KCNIP4: variants seen among roughly 807,000 people sequenced by gnomAD.
KCNIP4 encodes the protein potassium voltage-gated channel interacting protein 4, also known as Kv channel-interacting protein 4.
KCNIP4 carries 12 observed loss-of-function variants against 34.0 expected under a neutral mutation model. The observed-to-expected ratio is 0.35, with a 90% CI of 0.23 to 0.57. The LOEUF (loss-of-function observed/expected upper bound fraction) is 0.57. Ranked by LOEUF, KCNIP4 falls within the 20% of genes least tolerant of loss-of-function variation. The pLI is 0.83. For synonymous variants in KCNIP4, 124 were observed against 102.2 expected (o/e 1.21, Z -1.29); for missense variants, 238 against 311.7 (o/e 0.76, Z 1.78).
intron 2 of KCNIP4, among the ~76,000 whole-genome samples, chr4:20,878,213 A>G (rs1724275278): frequency 6.6e-6 from 1 of 152,140 alleles, no homozygotes; most frequent in Non-Finnish European, 1.5e-5. Flanking sequence ...GGGAACATCA[A>G]CTGAGTTCAT....
intron 3 of KCNIP4, among the ~76,000 whole-genome samples, chr4:20,778,086 C>G (rs1311940951): frequency 1.3e-5 from 2 of 152,140 alleles, no homozygotes; most frequent in Non-Finnish European, 2.9e-5. Context: ...TAACTCAAGG[C>G]CTCCACTCCC....
intron 1 of KCNIP4, among the ~76,000 whole-genome samples, chr4:21,388,662 C>T (rs1424535327): frequency 6.6e-6 from 1 of 152,054 alleles, no homozygotes; most frequent in Non-Finnish European, 1.5e-5. Context: ...TTAGCTATTA[C>T]CCTCCACTTT....
intron 1 of KCNIP4, among the ~76,000 whole-genome samples, chr4:21,096,054 C>T (rs1032859989): frequency 6.6e-6 from 1 of 152,074 alleles, no homozygotes; most frequent in African/African-American, 2.4e-5. Flanking sequence ...AAAACTAAAA[C>T]CCACAAACTA....
chr4:21,049,945 C>T (rs1267752203), intron 1 of KCNIP4, among the ~76,000 whole-genome samples: 1 of 152,184 alleles, frequency 6.6e-6, no homozygotes, highest in Non-Finnish European at 1.5e-5. Flanking sequence ...ACAAGTGACT[C>T]TCATGCATCT....
chr4:21,800,880 C>G (rs1720948109), intron 1 of KCNIP4, among the ~76,000 whole-genome samples: 2 of 152,148 alleles, frequency 1.3e-5, no homozygotes, highest in South Asian at 4.1e-4. Flanking sequence ...ATCAAGCACA[C>G]TATAGCTTCG....
chr4:21,743,199 A>G (rs1015210224), intron 1 of KCNIP4, among the ~76,000 whole-genome samples: 13 of 152,254 alleles, frequency 8.5e-5, no homozygotes, highest in Middle Eastern at 3.4e-3. Context: ...CAGAAGTACA[A>G]AATCGGTCTA....
intron 1 of KCNIP4, among the ~76,000 whole-genome samples, chr4:21,580,800 G>T (rs1437267569): frequency 6.6e-6 from 1 of 151,968 alleles, no homozygotes; most frequent in Non-Finnish European, 1.5e-5. Flanking sequence ...AGTGTCAAGG[G>T]GAGCCATTAA....
At chr4:21,079,520 C>A (rs962028996) in intron 1 of KCNIP4, among the ~76,000 whole-genome samples, 1 of 149,988 alleles carries the variant, frequency 6.7e-6, no homozygotes, top group Non-Finnish European at 1.5e-5. Context: ...AACCAGATTG[C>A]CTTTCTCTTA....
intron 1 of KCNIP4, among the ~76,000 whole-genome samples, chr4:21,101,208 T>A (rs1747912505): frequency 6.6e-6 from 1 of 152,188 alleles, no homozygotes; most frequent in Non-Finnish European, 1.5e-5. Context: ...AGTGAGAATA[T>A]GTGGTATTTG....
chr4:21,223,191 A>G (rs763879147), intron 1 of KCNIP4, among the ~76,000 whole-genome samples: 28 of 152,156 alleles, frequency 1.8e-4, no homozygotes, highest in Non-Finnish European at 3.5e-4. Context: ...GGTCAGAAAA[A>G]GGTGATATAA....
chr4:20,882,078 A>C (rs1724752982), intron 2 of KCNIP4, among the ~76,000 whole-genome samples: 1 of 152,220 alleles, frequency 6.6e-6, no homozygotes, highest in Non-Finnish European at 1.5e-5. Flanking sequence ...ATGTGTATGC[A>C]CATGAGTATG....
intron 3 of KCNIP4, among the ~76,000 whole-genome samples, chr4:20,799,121 C>T (rs1440160895): frequency 6.6e-6 from 1 of 152,162 alleles, no homozygotes; most frequent in Non-Finnish European, 1.5e-5. Flanking sequence ...TGCTACTGTG[C>T]CCTACTCCCT....
chr4:21,086,580 A>T (rs1746450941), intron 1 of KCNIP4, among the ~76,000 whole-genome samples: 1 of 152,168 alleles, frequency 6.6e-6, no homozygotes, highest in African/African-American at 2.4e-5. Context: ...AGGTTAATGA[A>T]GCATTTCCTG....
chr4:21,792,627 T>G (rs1720372021), intron 1 of KCNIP4, among the ~76,000 whole-genome samples: 1 of 152,174 alleles, frequency 6.6e-6, no homozygotes, highest in African/African-American at 2.4e-5. Context: ...GGAGGAAGTT[T>G]AAGGACTTGG....
At chr4:21,631,158 T>G (rs1745739129) in intron 1 of KCNIP4, among the ~76,000 whole-genome samples, 1 of 151,400 alleles carries the variant, frequency 6.6e-6, no homozygotes, top group African/African-American at 2.5e-5. Flanking sequence ...TATCAACACA[T>G]GAGATTCTTG....
At chr4:21,363,268 T>G (rs1028992895) in intron 1 of KCNIP4, among the ~76,000 whole-genome samples, 4 of 152,136 alleles carry the variant, frequency 2.6e-5, no homozygotes, top group Admixed American at 2.0e-4. Context: ...TTGAACTACC[T>G]AGTTAGGTAT....
intron 1 of KCNIP4, among the ~76,000 whole-genome samples, chr4:21,920,873 C>CTTTTTTTTTTTTTTTTTTTTTT (rs1728899285): frequency 2.0e-5 from 3 of 151,636 alleles, no homozygotes; most frequent in African/African-American, 7.3e-5. Flanking sequence ...TGTACATTTT[C>CTTTTTTTTTTTTTTTTTTTTTT]TTTGTTTGCT....
At chr4:21,266,544 T>C (rs1260294417) in intron 1 of KCNIP4, among the ~76,000 whole-genome samples, 8 of 152,224 alleles carry the variant, frequency 5.3e-5, no homozygotes, top group Non-Finnish European at 7.3e-5. Context: ...CTCTCAGCTC[T>C]ATTATTTACA....
intron 3 of KCNIP4, among the ~76,000 whole-genome samples, chr4:20,813,097 C>T (rs1428460698): frequency 6.6e-6 from 1 of 151,942 alleles, no homozygotes; most frequent in Non-Finnish European, 1.5e-5. Flanking sequence ...TAGTCATGTG[C>T]CCAGAAGGAT....
Sources: allele counts gnomAD v4.1 joint callset (sites outside exome capture counted in the v4.1 genomes callset), GRCh38; gene constraint gnomAD v4.1.1; transcripts MANE v1.5; gene names NCBI Gene and HGNC (gene_info 2026-07-23, HGNC 2026-07-21).